FGGY: variants seen among roughly 807,000 people sequenced by gnomAD.
FGGY encodes FGGY carbohydrate kinase domain containing.
FGGY carries 72 observed loss-of-function variants against 71.3 expected under a neutral mutation model. That is an observed-to-expected ratio of 1.01 (90% CI 0.84 to 1.23). The LOEUF (loss-of-function observed/expected upper bound fraction) is 1.23. FGGY is among the 50% of genes most tolerant of loss of function. FGGY has a pLI of 0.00. For synonymous variants in FGGY, 251 were observed against 250.3 expected (o/e 1.00, Z -0.02); for missense variants, 668 against 682.3 (o/e 0.98, Z 0.23).
At chr1:59,741,894 G>A (rs924665193) in intron 14 of FGGY, among the ~76,000 whole-genome samples, 36 of 147,748 alleles carry the variant, frequency 2.4e-4, no homozygotes, top group South Asian at 1.3e-3. Context: ...AGCCAAGATC[G>A]TAGCACTGCA....
At chr1:59,600,602 CCA>C (rs762573519) in intron 8 of FGGY, among the ~76,000 whole-genome samples, 2 of 152,146 alleles carry the variant, frequency 1.3e-5, no homozygotes, top group Non-Finnish European at 2.9e-5. Flanking sequence ...CCAAACTTTT[CCA>C]CCGTCCCAGA....
chr1:59,367,051 A>C (rs114344593), intron 4 of FGGY, among the ~76,000 whole-genome samples: 4,361 of 152,288 alleles, frequency 0.029, 228 homozygotes, highest in African/African-American at 0.099. Flanking sequence ...TGAGAGCCAG[A>C]CTACAGAGTT....
intron 8 of FGGY, among the ~76,000 whole-genome samples, chr1:59,568,395 A>G (rs2095913223): frequency 7.2e-6 from 1 of 138,412 alleles, no homozygotes. Flanking sequence ...CATCATTACT[A>G]GAATCATCAT....
In FGGY at chr1:59,729,355, AT is replaced by A. The variant is rs1321770309; in HGVS notation, c.1513-28575del. Among the ~76,000 whole-genome samples, 20 of 152,228 alleles carry A rather than the reference AT, an allele frequency of 1.3e-4. 1 individual carries two copies. Among genetic ancestry groups the A allele is most frequent in the Admixed American group, 6.5e-4 (10 of 15,300 alleles). ...ATCTGATAATTCTAACATTTGTGTT[AT>A]ATCTGAGTTGGGTTCTGATTCTTGC... On this transcript the variant is annotated intron_variant, in intron 14 of 15. Coordinates refer to ENST00000303721, the MANE Select transcript of FGGY (RefSeq NM_018291.5).
chr1:59,542,023 A>C (rs887910453), intron 7 of FGGY, among the ~76,000 whole-genome samples: 17 of 152,350 alleles, frequency 1.1e-4, no homozygotes, highest in Middle Eastern at 6.8e-3. Context: ...GCTGCTGCTG[A>C]TGATAACAGC....
At chr1:59,488,501 A>G (rs2093723837) in intron 6 of FGGY, among the ~76,000 whole-genome samples, 1 of 147,298 alleles carries the variant, frequency 6.8e-6, no homozygotes. Flanking sequence ...GTGTGTGTAT[A>G]TATATGTATT....
chr1:59,631,150 G>C (rs2096905040), intron 10 of FGGY, among the ~76,000 whole-genome samples: 1 of 152,124 alleles, frequency 6.6e-6, no homozygotes, highest in African/African-American at 2.4e-5. Context: ...TTTCTGGAAT[G>C]TCACCCTGTC....
chr1:59,554,375 C>T (rs1028768386), intron 8 of FGGY, 148 bp downstream of exon 8: 2 of 557,508 alleles, frequency 3.6e-6, no homozygotes, highest in South Asian at 3.0e-5. Flanking sequence ...AGCCCAGCTC[C>T]CCACTCTACC....
At chr1:59,722,117 G>A (rs768826836) in intron 14 of FGGY, among the ~76,000 whole-genome samples, 1 of 151,838 alleles carries the variant, frequency 6.6e-6, no homozygotes, top group Non-Finnish European at 1.5e-5. Flanking sequence ...CATTTTTGAG[G>A]AGTACTGGTC....
intron 4 of FGGY, among the ~76,000 whole-genome samples, chr1:59,377,160 C>T (rs2058759856): frequency 1.3e-5 from 2 of 152,038 alleles, no homozygotes; most frequent in Non-Finnish European, 2.9e-5. Context: ...AGACAATCAT[C>T]CAATGTCATG....
rs533215950 is a variant in FGGY, at chr1:59,397,969, G to C, written c.554+19132G>C. Among the ~76,000 whole-genome samples, 6 of 152,250 alleles carry C rather than the reference G, an allele frequency of 3.9e-5. No homozygotes were observed. The South Asian group carries it at 1.0e-3, about 26-fold the overall frequency. On this transcript the variant is annotated intron_variant, in intron 5 of 15. Transcript: ENST00000303721. ...TCAACTGTCTGTAAAAACCCATCCA[G>C]ATCAAGAACTTGATATTTTCAAGAA...
At chr1:59,646,728 A>T (rs1333170838) in intron 11 of FGGY, among the ~76,000 whole-genome samples, 1 of 152,140 alleles carries the variant, frequency 6.6e-6, no homozygotes, top group Non-Finnish European at 1.5e-5. Flanking sequence ...TTGTTGTCCC[A>T]TTTAAAAGAA....
intron 8 of FGGY, among the ~76,000 whole-genome samples, chr1:59,587,501 G>T (rs1278945875): frequency 3.3e-5 from 5 of 152,158 alleles, no homozygotes; most frequent in Non-Finnish European, 5.9e-5. Flanking sequence ...CCTCAAGTGG[G>T]TCCCTGACCC....
At chr1:59,476,478 G>A (rs60953607) in intron 6 of FGGY, among the ~76,000 whole-genome samples, 6,076 of 152,262 alleles carry the variant, frequency 0.04, 391 homozygotes, top group African/African-American at 0.14. Flanking sequence ...TGTAGCTGCA[G>A]TCTCCTGGCC....
chr1:59,758,792 C>T (rs1291501348), intron 15 of FGGY, among the ~76,000 whole-genome samples: 1 of 152,126 alleles, frequency 6.6e-6, no homozygotes, highest in Non-Finnish European at 1.5e-5. Context: ...TGGGGAATGG[C>T]AGGAAGTGGG....
At chr1:59,644,229 A>T (rs2097066517) in intron 11 of FGGY, among the ~76,000 whole-genome samples, 2 of 152,192 alleles carry the variant, frequency 1.3e-5, no homozygotes, top group African/African-American at 4.8e-5. Context: ...TGCCTTCCAC[A>T]CTAGGTGCCT....
At chr1:59,690,794 G>T (rs2097581559) in intron 14 of FGGY, among the ~76,000 whole-genome samples, 1 of 152,196 alleles carries the variant, frequency 6.6e-6, no homozygotes, top group Non-Finnish European at 1.5e-5. Context: ...CACTGCTGGG[G>T]ATGGACTTAG....
At chr1:59,513,670 G>A (rs1380639221) in intron 7 of FGGY, among the ~76,000 whole-genome samples, 1 of 152,156 alleles carries the variant, frequency 6.6e-6, no homozygotes, top group Non-Finnish European at 1.5e-5. Context: ...CTTGAGAACA[G>A]GAACATTATG....
At chr1:59,557,736 G>C (rs1268134776) in intron 8 of FGGY, among the ~76,000 whole-genome samples, 1 of 152,170 alleles carries the variant, frequency 6.6e-6, no homozygotes, top group African/African-American at 2.4e-5. Flanking sequence ...AAAAGTCATG[G>C]GGTAAGATGG....
Sources: gnomAD v4.1 joint callset for allele counts (sites outside exome capture counted in the v4.1 genomes callset) on GRCh38, gnomAD v4.1.1 for gene constraint, MANE v1.5 for transcripts, NCBI Gene and HGNC (gene_info 2026-07-23, HGNC 2026-07-21) for gene names.